Variants in CRACD observed in about 807,000 individuals in gnomAD.
The protein encoded by CRACD is capping protein inhibiting regulator of actin dynamics, also known as capping protein-inhibiting regulator of actin dynamics.
A neutral mutation model predicts 106.8 loss-of-function variants in CRACD; 56 were observed. The ratio of observed to expected loss-of-function variants is 0.52; its 90% CI spans 0.42 to 0.66. The LOEUF (loss-of-function observed/expected upper bound fraction) is 0.66. Among genes scored for constraint, CRACD ranks in the 30% least tolerant of loss-of-function variants. CRACD has a pLI of 0.00. For missense variants in CRACD, 1,730 were observed against 1,623.2 expected (o/e 1.07, Z -1.13); for synonymous variants, 754 against 670.8 (o/e 1.12, Z -1.92).
At chr4:56,264,906 A>T (rs1472415946) in intron 2 of CRACD, among the ~76,000 whole-genome samples, 1 of 152,210 alleles carries the variant, frequency 6.6e-6, no homozygotes, top group Non-Finnish European at 1.5e-5. Flanking sequence ...ACTTCCCGCA[A>T]CAAATATCTT....
intron 3 of CRACD, among the ~76,000 whole-genome samples, chr4:56,282,558 C>G (rs148208578): frequency 6.6e-6 from 1 of 152,150 alleles, no homozygotes; most frequent in Non-Finnish European, 1.5e-5. Context: ...GTCTGATGGA[C>G]CAGAAAGTCT....
At chr4:56,131,237 G>A (rs1734815071) in intron 1 of CRACD, among the ~76,000 whole-genome samples, 1 of 152,146 alleles carries the variant, frequency 6.6e-6, no homozygotes. Flanking sequence ...GTCACTTAAT[G>A]TTTCTAAGAC....
intron 1 of CRACD, among the ~76,000 whole-genome samples, chr4:56,164,947 A>G (rs975241224): frequency 3.3e-5 from 5 of 152,200 alleles, no homozygotes; most frequent in African/African-American, 2.4e-5. Flanking sequence ...AGACAGACCT[A>G]GTGAGAACAT....
Position 56,298,211 on chromosome 4 carries a change from C to G in CRACD, c.-16-3C>G. The G allele has an allele frequency of 6.2e-7, 1 of 1,611,746 alleles. No individual in the cohort carries two copies. Among genetic ancestry groups the G allele is most frequent in the Non-Finnish European group, 8.5e-7 (1 of 1,179,112 alleles). ...AAAATGAAGCACATGATTTACCTTCCAGGTCCTTCAACTATTCTATGGGAA... is the reference window on the plus strand; with the variant it reads ...AAAATGAAGCACATGATTTACCTTCGAGGTCCTTCAACTATTCTATGGGAA... On this transcript the variant is annotated splice_polypyrimidine_tract_variant and splice_region_variant and intron_variant, in intron 3 of 10. Coordinates refer to ENST00000682029, the MANE Select transcript of CRACD (RefSeq NM_001393381.1).
chr4:56,162,261 C>CAT (rs1281839381), intron 1 of CRACD, among the ~76,000 whole-genome samples: 1 of 151,974 alleles, frequency 6.6e-6, no homozygotes, highest in Non-Finnish European at 1.5e-5. Flanking sequence ...GGGGTACAAT[C>CAT]ATAGCTCACT....
intron 1 of CRACD, among the ~76,000 whole-genome samples, chr4:56,078,837 G>A (rs973846100): frequency 6.6e-6 from 1 of 152,218 alleles, no homozygotes; most frequent in Non-Finnish European, 1.5e-5. Context: ...TATGGATAAA[G>A]GGTGTCTCTT....
rs1459968111 is a variant in CRACD, at chr4:56,316,281, C to G, written c.2779C>G (p.Arg927Gly). 6.2e-7 allele frequency: 1 copy of G among 1,613,860 alleles called. No individual in the cohort carries two copies. The highest frequency in any genetic ancestry group is 1.3e-5 in the African/African-American group (1 of 74,940). ...GGACTCCGCTGAACCTTCCAGCAGC[C>G]GCTCTGTTCCTGTGGCCCACCCTGG... ...RRDSAEPSSSRSVPVAHPGPP... is the reference protein window; with the variant it reads ...RRDSAEPSSSGSVPVAHPGPP... The change falls in exon 8 of 11, where the codon CGC becomes GGC. Residue 927 changes from arginine (R) to glycine (G), a missense_variant. Arg to Gly is a moderately radical substitution (Grantham distance 125). Transcript: ENST00000682029.
intron 2 of CRACD, among the ~76,000 whole-genome samples, chr4:56,214,681 C>A (rs7669424): frequency 0.35 from 28,699 of 81,502 alleles, 5,953 homozygotes; most frequent in African/African-American, 0.43. Flanking sequence ...CTCTCTCTCT[C>A]TATATATATA....
intron 1 of CRACD, among the ~76,000 whole-genome samples, chr4:56,162,294 A>G (rs1029280245): frequency 1.3e-5 from 2 of 152,122 alleles, no homozygotes; most frequent in Admixed American, 1.3e-4. Context: ...TCCTGGGCTC[A>G]AGGGATTCTC....
intron 1 of CRACD, among the ~76,000 whole-genome samples, chr4:56,069,829 A>G (rs1488931807): frequency 6.6e-6 from 1 of 152,188 alleles, no homozygotes; most frequent in Non-Finnish European, 1.5e-5. Context: ...CAAAGGAGGA[A>G]TGAGAATCAA....
chr4:56,104,470 G>GAGC (rs1733879804), intron 1 of CRACD, among the ~76,000 whole-genome samples: 1 of 152,140 alleles, frequency 6.6e-6, no homozygotes, highest in African/African-American at 2.4e-5. Flanking sequence ...TAGCAACAGG[G>GAGC]AGCAAATACA....
At chr4:56,230,238 G>A (rs1195109690) in intron 2 of CRACD, among the ~76,000 whole-genome samples, 4 of 152,130 alleles carry the variant, frequency 2.6e-5, no homozygotes, top group East Asian at 3.9e-4. Flanking sequence ...TTTGGGGTAC[G>A]TCCTTGGTGA....
chr4:56,194,114 C>T (rs772409094), intron 2 of CRACD, among the ~76,000 whole-genome samples: 7 of 152,080 alleles, frequency 4.6e-5, no homozygotes, highest in Non-Finnish European at 7.4e-5. Context: ...TTAGATGGGC[C>T]GATTGTAAAG....
At chr4:56,098,320 A>T (rs1259492053) in intron 1 of CRACD, among the ~76,000 whole-genome samples, 1 of 152,170 alleles carries the variant, frequency 6.6e-6, no homozygotes, top group African/African-American at 2.4e-5. Flanking sequence ...TTCTGCCTTG[A>T]TTTTTTGTGT....
chr4:56,307,344 A>C (rs34990787), intron 4 of CRACD, among the ~76,000 whole-genome samples, 191 bp from the exon 5 acceptor site: 73,130 of 152,014 alleles, frequency 0.48, 17,977 homozygotes, highest in Middle Eastern at 0.6. Context: ...AAAAAAAGAA[A>C]AGAGAAGAAA....
chr4:56,251,171 T>C (rs370799071), intron 2 of CRACD, among the ~76,000 whole-genome samples: 22 of 152,298 alleles, frequency 1.4e-4, no homozygotes, highest in Admixed American at 4.6e-4. Context: ...TAGAGAGGAA[T>C]AGAGTATGCC....
chr4:56,211,887 T>G (rs889872186), intron 2 of CRACD, among the ~76,000 whole-genome samples: 1 of 152,184 alleles, frequency 6.6e-6, no homozygotes, highest in African/African-American at 2.4e-5. Flanking sequence ...GACTTGTAGC[T>G]TGGCTTTCAG....
intron 2 of CRACD, among the ~76,000 whole-genome samples, chr4:56,197,634 G>A (rs944678096): frequency 6.6e-6 from 1 of 152,084 alleles, no homozygotes; most frequent in African/African-American, 2.4e-5. Flanking sequence ...ACATCTCTAG[G>A]GAGGTTACAA....
intron 2 of CRACD, among the ~76,000 whole-genome samples, chr4:56,206,288 T>A (rs1371329047): frequency 6.6e-6 from 1 of 152,182 alleles, no homozygotes; most frequent in East Asian, 1.9e-4. Context: ...CATAAGGACA[T>A]CTGGGACCCA....
Sources: gnomAD v4.1 joint callset for allele counts (sites outside exome capture counted in the v4.1 genomes callset) on GRCh38, gnomAD v4.1.1 for gene constraint, MANE v1.5 for transcripts, NCBI Gene and HGNC (gene_info 2026-07-23, HGNC 2026-07-21) for gene names.